The following NKAIN3 variants were observed in gnomAD, a reference collection of about 807,000 sequenced individuals.
The protein encoded by NKAIN3 is sodium/potassium transporting ATPase interacting 3, also known as sodium/potassium-transporting ATPase subunit beta-1-interacting protein 3.
Under a neutral mutation model 30.2 loss-of-function variants are expected in NKAIN3, and 25 were observed. The observed-to-expected ratio is 0.83, with a 90% CI of 0.60 to 1.16. The LOEUF is 1.16. Among genes scored for constraint, NKAIN3 ranks in the 50% most tolerant of loss-of-function variants. The pLI, the probability that NKAIN3 is intolerant of heterozygous loss-of-function variation, is 0.00. For synonymous variants in NKAIN3, 91 were observed against 89.6 expected, an observed-to-expected ratio of 1.02 and a Z score of -0.09; for missense variants, 225 against 254.1, an observed-to-expected ratio of 0.89 and a Z score of 0.78.
intron 4 of NKAIN3, among the ~76,000 whole-genome samples, chr8:62,861,866 C>A (rs77227978): frequency 0.011 from 1,631 of 152,324 alleles, 29 homozygotes; most frequent in African/African-American, 0.038. Flanking sequence ...AAAACCAATA[C>A]CTTCCCATGG....
intron 4 of NKAIN3, among the ~76,000 whole-genome samples, chr8:62,799,006 A>G (rs1171561478): frequency 3.3e-5 from 5 of 152,158 alleles, no homozygotes; most frequent in Non-Finnish European, 7.3e-5. Flanking sequence ...GTGTCCATCA[A>G]AGGGGGTTGA....
chr8:62,800,662 C>T (rs944371094), intron 4 of NKAIN3, among the ~76,000 whole-genome samples: 32 of 152,108 alleles, frequency 2.1e-4, no homozygotes, highest in East Asian at 5.8e-4. Flanking sequence ...GGAAGAGCTC[C>T]GGTCTACAGC....
chr8:62,568,125 C>T (rs1455255029), intron 1 of NKAIN3, among the ~76,000 whole-genome samples: 3 of 152,106 alleles, frequency 2.0e-5, no homozygotes, highest in Non-Finnish European at 4.4e-5. Context: ...AGAAAGAGGA[C>T]TAAATCATGA....
At chr8:62,925,848 T>C (rs569533737) in intron 5 of NKAIN3, among the ~76,000 whole-genome samples, 1 of 152,152 alleles carries the variant, frequency 6.6e-6, no homozygotes, top group South Asian at 2.1e-4. Flanking sequence ...TGCTCCAGAG[T>C]TACAGTAACA....
chr8:62,830,966 C>T (rs1389547766), intron 4 of NKAIN3, among the ~76,000 whole-genome samples: 2 of 152,198 alleles, frequency 1.3e-5, no homozygotes, highest in Non-Finnish European at 2.9e-5. Context: ...GCAAGAAGCT[C>T]AGACTGCCCT....
chr8:62,608,226 C>A (rs1811185398), intron 3 of NKAIN3, among the ~76,000 whole-genome samples: 1 of 152,124 alleles, frequency 6.6e-6, no homozygotes, highest in Non-Finnish European at 1.5e-5. Context: ...CTTTCCCACA[C>A]TTTTCTTTTT....
At position 62,975,056 on chromosome 8, in the gene NKAIN3, C is replaced by T. The variant is rs1465065568; in HGVS notation, c.*9649C>T. Among the ~76,000 whole-genome samples the T allele has an allele frequency of 6.6e-6, 1 of 152,068 alleles. No individual in the cohort carries two copies. The highest frequency in any genetic ancestry group is 6.6e-5 in the Admixed American group (1 of 15,258). ...AGCTTTTTAATGTACTGCTGCATTT[C>T]TTTTGCCAGTGTTTCATTGGGGATT... On this transcript the variant is annotated 3_prime_UTR_variant, in exon 7 of 7. Coordinates refer to ENST00000623646, the MANE Select transcript of NKAIN3 (RefSeq NM_001304533.3).
At chr8:62,763,878 AG>A (rs1252404827) in intron 4 of NKAIN3, among the ~76,000 whole-genome samples, 1 of 152,254 alleles carries the variant, frequency 6.6e-6, no homozygotes, top group Non-Finnish European at 1.5e-5. Context: ...TTAAGGGTTC[AG>A]GGCAAGAAAA....
At chr8:62,426,222 T>C (rs1053406336) in intron 1 of NKAIN3, among the ~76,000 whole-genome samples, 4 of 151,934 alleles carry the variant, frequency 2.6e-5, no homozygotes, top group African/African-American at 9.7e-5. Flanking sequence ...AGTGACTTAA[T>C]TACCTTAGTT....
chr8:62,959,433 G>GGTGTGTGTGTGGGTGTGT (rs71559385), intron 6 of NKAIN3, among the ~76,000 whole-genome samples: 102 of 143,246 alleles, frequency 7.1e-4, no homozygotes, highest in African/African-American at 2.6e-3. Context: ...GACAAATCAG[G>GGTGTGTGTGTGGGTGTGT]GTGTGTGTGT....
At chr8:62,282,688 G>A (rs1490526804) in intron 1 of NKAIN3, among the ~76,000 whole-genome samples, 1 of 152,170 alleles carries the variant, frequency 6.6e-6, no homozygotes, top group Non-Finnish European at 1.5e-5. Flanking sequence ...GCTCTTGACT[G>A]CTTTGGTGAC....
rs538200597 is a variant in NKAIN3 at position 62,942,038 on chromosome 8, T to C, written c.533-11864T>C. Among the ~76,000 whole-genome samples, 3 of 151,906 alleles carry C rather than the reference T, an allele frequency of 2.0e-5. No individual in the cohort carries two copies. The South Asian group carries it at 6.2e-4, about 31-fold the overall frequency. On this transcript the variant is annotated intron_variant, in intron 5 of 6. Coordinates refer to ENST00000623646, the MANE Select transcript of NKAIN3 (RefSeq NM_001304533.3). ...CCTACAGACTAATCCAAAAAGAACCTAGAACTGATAAATAAATTCAGTAAA... is the reference window on the plus strand; with the variant it reads ...CCTACAGACTAATCCAAAAAGAACCCAGAACTGATAAATAAATTCAGTAAA...
chr8:62,642,052 A>C (rs529056558), intron 3 of NKAIN3, among the ~76,000 whole-genome samples: 1 of 152,218 alleles, frequency 6.6e-6, no homozygotes, highest in South Asian at 2.1e-4. Context: ...ATGCAACCGC[A>C]CTGCACTCCT....
chr8:62,382,841 T>C (rs1817318977), intron 1 of NKAIN3, among the ~76,000 whole-genome samples: 2 of 152,178 alleles, frequency 1.3e-5, no homozygotes, highest in Non-Finnish European at 2.9e-5. Context: ...AAAATTTCTT[T>C]CACAGTTTCC....
intron 1 of NKAIN3, among the ~76,000 whole-genome samples, chr8:62,543,311 TC>T (rs1808902680): frequency 1.3e-5 from 2 of 152,196 alleles, no homozygotes. Flanking sequence ...TCCATCTAGC[TC>T]ATAGATGCCC....
chr8:62,749,329 T>C (rs1816191213), intron 4 of NKAIN3, among the ~76,000 whole-genome samples: 1 of 152,184 alleles, frequency 6.6e-6, no homozygotes, highest in South Asian at 2.1e-4. Context: ...ACAATCTAAA[T>C]AAACTGTATG....
At chr8:62,461,533 G>C (rs1230113769) in intron 1 of NKAIN3, among the ~76,000 whole-genome samples, 2 of 152,062 alleles carry the variant, frequency 1.3e-5, no homozygotes, top group African/African-American at 4.8e-5. Context: ...CTTTAAATCA[G>C]GTATTTAAAA....
At chr8:62,374,930 G>T (rs1347021833) in intron 1 of NKAIN3, among the ~76,000 whole-genome samples, 3 of 152,178 alleles carry the variant, frequency 2.0e-5, no homozygotes, top group Non-Finnish European at 4.4e-5. Context: ...GCACAACTCT[G>T]TGGCAACATT....
At chr8:62,557,100 A>G (rs1436558862) in intron 1 of NKAIN3, among the ~76,000 whole-genome samples, 4 of 151,952 alleles carry the variant, frequency 2.6e-5, no homozygotes, top group African/African-American at 9.7e-5. Flanking sequence ...CCACTGTGTC[A>G]TTGTTATGCC....
Sources: allele counts gnomAD v4.1 joint callset (sites outside exome capture counted in the v4.1 genomes callset), GRCh38; gene constraint gnomAD v4.1.1; transcripts MANE v1.5; gene names NCBI Gene and HGNC (gene_info 2026-07-23, HGNC 2026-07-21).